The following DLG5 variants were observed in gnomAD, a reference collection of about 807,000 sequenced individuals.
The protein encoded by DLG5 is discs large MAGUK scaffold protein 5, also known as disks large homolog 5.
Under a neutral mutation model 189.8 loss-of-function variants are expected in DLG5, and 48 were observed. The ratio of observed to expected loss-of-function variants is 0.25; its 90% CI spans 0.20 to 0.32. The LOEUF is 0.32. Among genes scored for constraint, DLG5 ranks in the 10% least tolerant of loss-of-function variants. The pLI, the probability that DLG5 is intolerant of heterozygous loss-of-function variation, is 1.00. For missense variants in DLG5, 2,160 were observed against 2,544.7 expected (o/e 0.85, Z 3.25); for synonymous variants, 1,016 against 1,054.1 (o/e 0.96, Z 0.70).
At chr10:77,843,816 G>A in intron 5 of DLG5, 110 bp from the exon 6 acceptor site, 3 of 1,444,400 alleles carry the variant, frequency 2.1e-6, no homozygotes, top group East Asian at 2.3e-5. Flanking sequence ...AGGCGGTTGG[G>A]GGGAGGGGGT....
chr10:77,810,566 C>T (rs144927562), intron 23 of DLG5, among the ~76,000 whole-genome samples: 86 of 152,358 alleles, frequency 5.6e-4, no homozygotes, highest in African/African-American at 1.9e-3. Flanking sequence ...GCTGCTCCCT[C>T]GGCCTGGACT....
intron 7 of DLG5, among the ~76,000 whole-genome samples, chr10:77,839,800 A>C (rs1190193266): frequency 6.6e-6 from 1 of 152,134 alleles, no homozygotes; most frequent in African/African-American, 2.4e-5. Context: ...CTTTTCAAAA[A>C]TTTCATTGCA....
chr10:77,843,278 G>A (rs1038815421), intron 6 of DLG5, among the ~76,000 whole-genome samples, 169 bp downstream of exon 6: 4 of 152,190 alleles, frequency 2.6e-5, no homozygotes, highest in African/African-American at 9.7e-5. Flanking sequence ...GATGGGAAGA[G>A]GGAGCCACGA....
intron 1 of DLG5, among the ~76,000 whole-genome samples, chr10:77,918,853 G>C (rs754608269): frequency 6.6e-6 from 1 of 151,978 alleles, no homozygotes; most frequent in Non-Finnish European, 1.5e-5. Context: ...AGGGTTTCAG[G>C]AAACGACTAT....
chr10:77,830,966 A>G, intron 9 of DLG5, 93 bp from the exon 10 acceptor site: 3 of 1,461,964 alleles, frequency 2.1e-6, no homozygotes, highest in Non-Finnish European at 1.8e-6. Context: ...GGCCATTTGA[A>G]ACAGCTAAAA....
chr10:77,849,811 G>C, intron 5 of DLG5, among the ~76,000 whole-genome samples: 1 of 152,320 alleles, frequency 6.6e-6, no homozygotes. Context: ...GTCAGAGAAC[G>C]GGAGACAAGG....
chr10:77,793,429 T>C (rs1568106568), intron 31 of DLG5: 1 of 153,202 alleles, frequency 6.5e-6, no homozygotes. Flanking sequence ...GCCCTGCAAA[T>C]GACAGACTTT....
chr10:77,875,660 C>T (rs1333772896), intron 1 of DLG5, among the ~76,000 whole-genome samples: 5 of 152,116 alleles, frequency 3.3e-5, no homozygotes, highest in Admixed American at 6.5e-5. Flanking sequence ...GTGAAAGTTG[C>T]GGAGTGCTAT....
intron 25 of DLG5, among the ~76,000 whole-genome samples, chr10:77,807,464 C>T (rs1841534153): frequency 6.6e-6 from 1 of 152,192 alleles, no homozygotes; most frequent in Non-Finnish European, 1.5e-5. Flanking sequence ...TGGAAGTCCA[C>T]ACACACTGCA....
chr10:77,838,760 G>T (rs946018689), intron 7 of DLG5, among the ~76,000 whole-genome samples: 1 of 152,238 alleles, frequency 6.6e-6, no homozygotes, highest in Admixed American at 6.5e-5. Context: ...GCTGACCCCT[G>T]ACAGGCAGCA....
rs1841801277 is a variant in DLG5 at position 77,812,060 on chromosome 10, G to A, written c.4189-3C>T. ...CTCCGCAGGTTTATGCCGTTGAACT[G>A]GGGAAACACCAGGATGGGCTCAGTG... On this transcript the variant is annotated splice_polypyrimidine_tract_variant and splice_region_variant and intron_variant, in intron 21 of 31. Transcript: ENST00000372391. The A allele has an allele frequency of 6.2e-7, 1 of 1,609,294 alleles. No homozygotes were observed. The highest frequency in any genetic ancestry group is 8.5e-7 in the Non-Finnish European group (1 of 1,179,954).
chr10:77,823,649 G>A (rs1842478394), intron 14 of DLG5, among the ~76,000 whole-genome samples: 2 of 151,582 alleles, frequency 1.3e-5, no homozygotes, highest in African/African-American at 2.4e-5. Flanking sequence ...TCCTGCCTCA[G>A]TCTCCTGAGT....
At chr10:77,918,238 T>C (rs1368621509) in intron 1 of DLG5, among the ~76,000 whole-genome samples, 6 of 151,882 alleles carry the variant, frequency 4.0e-5, no homozygotes, top group East Asian at 1.9e-4. Flanking sequence ...TGGGGAAACC[T>C]TGTCTCTACT....
chr10:77,801,893 G>C (rs79653056), intron 27 of DLG5, among the ~76,000 whole-genome samples: 3 of 152,198 alleles, frequency 2.0e-5, no homozygotes, highest in South Asian at 2.1e-4. Flanking sequence ...GGCCTTGGGA[G>C]GAAGGGCTTT....
intron 2 of DLG5, among the ~76,000 whole-genome samples, chr10:77,859,351 G>A (rs549666122): frequency 2.0e-5 from 3 of 152,272 alleles, no homozygotes; most frequent in Admixed American, 6.5e-5. Context: ...AGCCTACAGC[G>A]GTGTACAGTC....
intron 16 of DLG5, 148 bp downstream of exon 16, chr10:77,819,747 C>G: frequency 7.5e-7 from 1 of 1,341,658 alleles, no homozygotes; most frequent in Admixed American, 2.4e-5. Flanking sequence ...ACAAACCATC[C>G]CAGACAGGAC....
At chr10:77,910,057 T>C (rs1846174496) in intron 1 of DLG5, among the ~76,000 whole-genome samples, 1 of 152,156 alleles carries the variant, frequency 6.6e-6, no homozygotes, top group Non-Finnish European at 1.5e-5. Context: ...ATCAGACCCA[T>C]TCCCCGACTC....
chr10:77,861,916 C>A (rs1004907166), intron 2 of DLG5, among the ~76,000 whole-genome samples: 4 of 152,170 alleles, frequency 2.6e-5, no homozygotes, highest in African/African-American at 4.8e-5. Flanking sequence ...ACATCAGGCT[C>A]TCAGACCCAG....
At chr10:77,916,271 C>G (rs1288503090) in intron 1 of DLG5, among the ~76,000 whole-genome samples, 2 of 151,946 alleles carry the variant, frequency 1.3e-5, no homozygotes, top group Admixed American at 1.3e-4. Context: ...ACTTTCCAAA[C>G]CATATCTGAA....
Sources: gnomAD v4.1 joint callset for allele counts (sites outside exome capture counted in the v4.1 genomes callset) on GRCh38, gnomAD v4.1.1 for gene constraint, MANE v1.5 for transcripts, NCBI Gene and HGNC (gene_info 2026-07-23, HGNC 2026-07-21) for gene names.